The following ENTREP2 variants were observed in gnomAD, a reference collection of about 807,000 sequenced individuals.
ENTREP2 encodes the protein protein ENTREP2.
At chr15:29,138,297 G>A in the ENTREP2 span, among the ~76,000 whole-genome samples, 10 of 152,154 alleles carry the variant, frequency 6.6e-5, no homozygotes, top group South Asian at 2.1e-4. Context: ...CTAGTTTTCC[G>A]TTTCTGAAGG....
At chr15:29,519,663 T>C in the ENTREP2 span, among the ~76,000 whole-genome samples, 1 of 152,312 alleles carries the variant, frequency 6.6e-6, no homozygotes, top group African/African-American at 2.4e-5. Context: ...AGTAGGCTAT[T>C]AGTAGTTAAG....
At chr15:29,492,535 C>T in the ENTREP2 span, among the ~76,000 whole-genome samples, 1 of 152,260 alleles carries the variant, frequency 6.6e-6, no homozygotes, top group East Asian at 1.9e-4. Context: ...GCAGATACCT[C>T]AAGAGCCATG....
At chr15:29,193,240 G>A in the ENTREP2 span, among the ~76,000 whole-genome samples, 1 of 152,348 alleles carries the variant, frequency 6.6e-6, no homozygotes, top group Non-Finnish European at 1.5e-5. Flanking sequence ...CTGTGAGGGT[G>A]TTTCCAGAGG....
At chr15:29,385,681 T>C in the ENTREP2 span, among the ~76,000 whole-genome samples, 2 of 151,832 alleles carry the variant, frequency 1.3e-5, no homozygotes, top group East Asian at 1.9e-4. Flanking sequence ...GACTCTTCTA[T>C]GGGAGGGGGG....
At chr15:29,119,507 C>A in the ENTREP2 span, among the ~76,000 whole-genome samples, 4 of 30,662 alleles carry the variant, frequency 1.3e-4, 1 homozygote, top group South Asian at 2.3e-3. Flanking sequence ...CTAGATGACA[C>A]GTTAGTGGGT....
the ENTREP2 span, among the ~76,000 whole-genome samples, chr15:29,413,333 A>G: frequency 1.3e-5 from 2 of 152,186 alleles, no homozygotes; most frequent in African/African-American, 4.8e-5. Context: ...TCAACAATCA[A>G]TATGTATTGA....
At chr15:29,327,352 T>C in the ENTREP2 span, among the ~76,000 whole-genome samples, 1 of 152,050 alleles carries the variant, frequency 6.6e-6, no homozygotes, top group Admixed American at 6.6e-5. Flanking sequence ...CACTTTACTT[T>C]GGGAGGCCGA....
the ENTREP2 span, among the ~76,000 whole-genome samples, chr15:29,279,687 G>A: frequency 1.3e-5 from 2 of 152,064 alleles, no homozygotes; most frequent in East Asian, 1.9e-4. Context: ...CACAGGGCTC[G>A]TTTTGAGTCT....
At chr15:29,521,277 T>C in the ENTREP2 span, among the ~76,000 whole-genome samples, 762 of 152,356 alleles carry the variant, frequency 5.0e-3, 5 homozygotes, top group African/African-American at 0.017. Flanking sequence ...GGCTTTGTTC[T>C]AAAACTGACA....
chr15:29,346,094 C>A, the ENTREP2 span, among the ~76,000 whole-genome samples: 1 of 152,142 alleles, frequency 6.6e-6, no homozygotes, highest in African/African-American at 2.4e-5. Context: ...AGCTCCAGAG[C>A]CCATGCACTC....
At chr15:29,218,879 G>T in the ENTREP2 span, among the ~76,000 whole-genome samples, 1 of 152,116 alleles carries the variant, frequency 6.6e-6, no homozygotes, top group Non-Finnish European at 1.5e-5. Context: ...GATAACTTTG[G>T]AGAAACCCTT....
At chr15:29,666,473 C>T in the ENTREP2 span, among the ~76,000 whole-genome samples, 326 of 152,088 alleles carry the variant, frequency 2.1e-3, no homozygotes, top group African/African-American at 7.6e-3. Flanking sequence ...TTCTAAAGGT[C>T]ATGTCTCCCC....
At chr15:29,511,339 C>CTT in the ENTREP2 span, among the ~76,000 whole-genome samples, 1 of 93,466 alleles carries the variant, frequency 1.1e-5, no homozygotes, top group African/African-American at 4.5e-5. Flanking sequence ...CTTCTTTTTT[C>CTT]TTTTCTTTTT....
At chr15:29,654,505 G>C in the ENTREP2 span, among the ~76,000 whole-genome samples, 1 of 152,128 alleles carries the variant, frequency 6.6e-6, no homozygotes, top group African/African-American at 2.4e-5. Flanking sequence ...AGAAAGACAT[G>C]CATTAATAAG....
At chr15:29,556,806 T>A in the ENTREP2 span, among the ~76,000 whole-genome samples, 4 of 142,050 alleles carry the variant, frequency 2.8e-5, no homozygotes. Context: ...CCACCTGTGG[T>A]CCCCATGATT....
At chr15:29,555,147 G>A in the ENTREP2 span, among the ~76,000 whole-genome samples, 1 of 152,322 alleles carries the variant, frequency 6.6e-6, no homozygotes, top group African/African-American at 2.4e-5. Context: ...CCGGGGAAGA[G>A]GGAAGGATAC....
At chr15:29,152,804 G>A in the ENTREP2 span, among the ~76,000 whole-genome samples, 22,648 of 152,114 alleles carry the variant, frequency 0.15, 3,110 homozygotes, top group African/African-American at 0.36. Flanking sequence ...TAAATGTCCA[G>A]GAGCACAATT....
chr15:29,416,228 G>A, the ENTREP2 span, among the ~76,000 whole-genome samples: 27 of 152,154 alleles, frequency 1.8e-4, 1 homozygote, highest in East Asian at 1.9e-3. Flanking sequence ...GAGGCATCAC[G>A]CTACCTGACT....
the ENTREP2 span, among the ~76,000 whole-genome samples, chr15:29,612,132 G>A: frequency 0.017 from 2,617 of 152,224 alleles, 80 homozygotes; most frequent in African/African-American, 0.06. Context: ...CTTTTGCTTT[G>A]CATTGTTGAC....
Sources: gnomAD v4.1 joint callset for allele counts (sites outside exome capture counted in the v4.1 genomes callset) on GRCh38, gnomAD v4.1.1 for gene constraint, MANE v1.5 for transcripts, NCBI Gene and HGNC (gene_info 2026-07-23, HGNC 2026-07-21) for gene names.